The following GALNTL6 variants were observed in gnomAD, a reference collection of about 807,000 sequenced individuals.
The protein encoded by GALNTL6 is polypeptide N-acetylgalactosaminyltransferase-like 6.
Under a neutral mutation model 73.7 loss-of-function variants are expected in GALNTL6, and 46 were observed. That is an observed-to-expected ratio of 0.62 (90% CI 0.49 to 0.80). The LOEUF (loss-of-function observed/expected upper bound fraction) is 0.80, where lower values mean the gene tolerates loss of function less well. GALNTL6 is among the 30% of genes least tolerant of loss of function. The pLI is 0.00. For missense variants in GALNTL6, 604 were observed against 755.0 expected, an observed-to-expected ratio of 0.80 and a Z score of 2.34; for synonymous variants, 259 against 263.7, an observed-to-expected ratio of 0.98 and a Z score of 0.17.
chr4:171,913,958 GA>G (rs1737543422), intron 2 of GALNTL6, among the ~76,000 whole-genome samples: 1 of 151,828 alleles, frequency 6.6e-6, no homozygotes, highest in Admixed American at 6.6e-5. Flanking sequence ...ATCCAAAATT[GA>G]AATGTAAAAA....
chr4:172,728,684 A>C (rs1247578909), intron 5 of GALNTL6, among the ~76,000 whole-genome samples: 2 of 152,342 alleles, frequency 1.3e-5, no homozygotes, highest in African/African-American at 4.8e-5. Context: ...TGCAATAAAC[A>C]TGGAAGTGCA....
At chr4:172,322,540 G>T (rs1369450259) in intron 4 of GALNTL6, among the ~76,000 whole-genome samples, 1 of 152,156 alleles carries the variant, frequency 6.6e-6, no homozygotes, top group African/African-American at 2.4e-5. Context: ...TGGTTCTGCA[G>T]GCTGTACAGG....
chr4:172,478,516 G>A (rs540134874), intron 5 of GALNTL6, among the ~76,000 whole-genome samples: 11 of 152,158 alleles, frequency 7.2e-5, no homozygotes, highest in African/African-American at 1.9e-4. Context: ...AACTCAAGGT[G>A]GATTAAAGAC....
At chr4:171,976,334 A>C (rs1321822571) in intron 2 of GALNTL6, among the ~76,000 whole-genome samples, 1 of 152,256 alleles carries the variant, frequency 6.6e-6, no homozygotes, top group Non-Finnish European at 1.5e-5. Context: ...AATAGAGGAA[A>C]GAATATGCGT....
At chr4:172,182,244 T>C (rs1735271993) in intron 2 of GALNTL6, among the ~76,000 whole-genome samples, 1 of 152,136 alleles carries the variant, frequency 6.6e-6, no homozygotes, top group African/African-American at 2.4e-5. Context: ...AAACCACTGC[T>C]CAAGGAAATC....
intron 10 of GALNTL6, among the ~76,000 whole-genome samples, chr4:172,995,007 G>A (rs1215382823): frequency 6.6e-6 from 1 of 152,192 alleles, no homozygotes. Context: ...TATTGTGTGA[G>A]TAGTTTTTCA....
chr4:172,536,966 T>C (rs1735365836), intron 5 of GALNTL6, among the ~76,000 whole-genome samples: 1 of 152,184 alleles, frequency 6.6e-6, no homozygotes, highest in African/African-American at 2.4e-5. Flanking sequence ...AATTTCAGAC[T>C]TGCATGGGAC....
chr4:172,861,120 T>C (rs1744370540), intron 7 of GALNTL6, among the ~76,000 whole-genome samples: 2 of 152,182 alleles, frequency 1.3e-5, no homozygotes, highest in African/African-American at 4.8e-5. Flanking sequence ...TTCATAATGA[T>C]TGATAGGACA....
intron 5 of GALNTL6, among the ~76,000 whole-genome samples, chr4:172,723,902 CAGGTTCACTG>C (rs1184213797): frequency 2.0e-5 from 3 of 152,124 alleles, no homozygotes; most frequent in Non-Finnish European, 4.4e-5. Flanking sequence ...TACCTCTGTA[CAGGTTCACTG>C]ATATGATATA....
intron 5 of GALNTL6, among the ~76,000 whole-genome samples, chr4:172,590,386 C>T (rs368427246): frequency 6.6e-6 from 1 of 151,976 alleles, no homozygotes; most frequent in Non-Finnish European, 1.5e-5. Flanking sequence ...ATTTACTTGT[C>T]TGTGATATAT....
At chr4:172,828,864 C>T (rs1742428484) in intron 7 of GALNTL6, among the ~76,000 whole-genome samples, 1 of 152,186 alleles carries the variant, frequency 6.6e-6, no homozygotes, top group Admixed American at 6.5e-5. Flanking sequence ...TTTCCTAGGG[C>T]TTCCATAACA....
At chr4:172,537,736 G>T (rs1293173109) in intron 5 of GALNTL6, among the ~76,000 whole-genome samples, 2 of 152,042 alleles carry the variant, frequency 1.3e-5, no homozygotes, top group Non-Finnish European at 2.9e-5. Context: ...AAGAAGAAAA[G>T]AATAAAAACA....
At chr4:172,301,720 C>T (rs1225147573) in intron 3 of GALNTL6, among the ~76,000 whole-genome samples, 2 of 152,140 alleles carry the variant, frequency 1.3e-5, no homozygotes, top group Non-Finnish European at 2.9e-5. Context: ...CCTGATTGTG[C>T]CTCTTGAAGT....
At chr4:172,766,021 A>G (rs543870074) in intron 5 of GALNTL6, among the ~76,000 whole-genome samples, 4 of 152,292 alleles carry the variant, frequency 2.6e-5, no homozygotes, top group East Asian at 1.9e-4. Flanking sequence ...CTAAGACTGG[A>G]CTACCTACAA....
At chr4:171,904,127 G>C (rs1737195749) in intron 2 of GALNTL6, among the ~76,000 whole-genome samples, 1 of 152,196 alleles carries the variant, frequency 6.6e-6, no homozygotes, top group Non-Finnish European at 1.5e-5. Flanking sequence ...ACCAGCAACA[G>C]AACAAAGCTG....
chr4:172,533,295 G>A (rs1376671498), intron 5 of GALNTL6, among the ~76,000 whole-genome samples: 1 of 145,122 alleles, frequency 6.9e-6, no homozygotes, highest in Non-Finnish European at 1.5e-5. Context: ...TTACAGGCGT[G>A]AGCCGCCGTG....
intron 5 of GALNTL6, among the ~76,000 whole-genome samples, chr4:172,518,795 G>A (rs919826080): frequency 1.3e-4 from 19 of 151,992 alleles, no homozygotes; most frequent in African/African-American, 4.1e-4. Flanking sequence ...GGTAGATTAT[G>A]TAATTAAGGT....
At chr4:171,976,243 A>G (rs1739718471) in intron 2 of GALNTL6, among the ~76,000 whole-genome samples, 1 of 152,334 alleles carries the variant, frequency 6.6e-6, no homozygotes, top group Admixed American at 6.5e-5. Context: ...AATTCTTAAC[A>G]GACACTATAG....
At chr4:172,366,285 A>G (rs1319341377) in intron 5 of GALNTL6, among the ~76,000 whole-genome samples, 2 of 152,198 alleles carry the variant, frequency 1.3e-5, no homozygotes, top group East Asian at 1.9e-4. Context: ...TGTATTTTCT[A>G]TATCTGGCAA....
Sources: allele counts gnomAD v4.1 joint callset (sites outside exome capture counted in the v4.1 genomes callset), GRCh38; gene constraint gnomAD v4.1.1; transcripts MANE v1.5; gene names NCBI Gene and HGNC (gene_info 2026-07-23, HGNC 2026-07-21).